The following MDGA2 variants were observed in gnomAD, a reference collection of about 807,000 sequenced individuals.
MDGA2 encodes the protein MAM domain containing glycosylphosphatidylinositol anchor 2.
In MDGA2, 40 loss-of-function variants were observed where a neutral mutation model predicts 117.8. The ratio of observed to expected loss-of-function variants is 0.34; its 90% CI spans 0.26 to 0.44. The LOEUF (loss-of-function observed/expected upper bound fraction) is 0.44. Among genes scored for constraint, MDGA2 ranks in the 20% least tolerant of loss-of-function variants. MDGA2 has a pLI of 1.00. For synonymous variants in MDGA2, 452 were observed against 439.0 expected (o/e 1.03, Z -0.37); for missense variants, 1,123 against 1,250.6 (o/e 0.90, Z 1.54).
intron 2 of MDGA2, among the ~76,000 whole-genome samples, chr14:47,249,924 T>C (rs1234943256): frequency 6.6e-6 from 1 of 152,188 alleles, no homozygotes; most frequent in Non-Finnish European, 1.5e-5. Context: ...GTCACTAACA[T>C]GGCAAGGAAA....
At chr14:47,408,742 G>T (rs996042473) in intron 1 of MDGA2, among the ~76,000 whole-genome samples, 3 of 152,168 alleles carry the variant, frequency 2.0e-5, no homozygotes, top group African/African-American at 7.2e-5. Flanking sequence ...AGTATTAGGA[G>T]ATATTATTAA....
At chr14:47,275,330 T>C (rs1185342666) in intron 2 of MDGA2, among the ~76,000 whole-genome samples, 1 of 152,190 alleles carries the variant, frequency 6.6e-6, no homozygotes, top group Admixed American at 6.5e-5. Context: ...ATAGATTTTC[T>C]AATGTACGAT....
At position 47,633,079 on chromosome 14, in the gene MDGA2, C is replaced by A. The variant is rs142032354; in HGVS notation, c.280+41438G>T. 8.3e-4 allele frequency among the ~76,000 whole-genome samples: 127 copies of A among 152,294 alleles called. 1 individual carries two copies. The highest frequency in any genetic ancestry group is 1.4e-3 in the Non-Finnish European group (97 of 68,010). ...AAATGTTGTCAATAAATATTATTTT[C>A]ATGCACCTGGGATGCTTTCATTGAC... is the stretch of plus-strand genomic sequence containing the variant. On this transcript the variant is annotated intron_variant, in intron 1 of 16. Transcript: ENST00000399232.
chr14:47,615,209 G>C (rs1283698305), intron 1 of MDGA2, among the ~76,000 whole-genome samples: 1 of 151,976 alleles, frequency 6.6e-6, no homozygotes, highest in African/African-American at 2.4e-5. Flanking sequence ...CTGAGCAACA[G>C]ATGTTGAATT....
intron 16 of MDGA2, among the ~76,000 whole-genome samples, chr14:46,845,426 T>C (rs778992431): frequency 3.9e-5 from 6 of 152,226 alleles, no homozygotes; most frequent in Non-Finnish European, 7.3e-5. Flanking sequence ...ATATGTGCTA[T>C]GTATATAGGT....
intron 1 of MDGA2, among the ~76,000 whole-genome samples, chr14:47,627,804 G>A (rs1897176483): frequency 1.3e-5 from 2 of 152,080 alleles, no homozygotes; most frequent in Admixed American, 6.6e-5. Flanking sequence ...CACTCTTTGG[G>A]TCCACACTGC....
intron 2 of MDGA2, among the ~76,000 whole-genome samples, chr14:47,247,593 G>A (rs1181153106): frequency 6.6e-6 from 1 of 150,776 alleles, no homozygotes; most frequent in African/African-American, 2.4e-5. Flanking sequence ...GTGAGCCACC[G>A]TGTCCAGACT....
intron 1 of MDGA2, among the ~76,000 whole-genome samples, chr14:47,603,905 T>C: frequency 6.6e-6 from 1 of 152,152 alleles, no homozygotes; most frequent in South Asian, 2.1e-4. Flanking sequence ...GTACCTTCCC[T>C]GCTCTCTTTC....
At chr14:47,314,006 C>T (rs146191853) in intron 1 of MDGA2, among the ~76,000 whole-genome samples, 90 of 152,238 alleles carry the variant, frequency 5.9e-4, no homozygotes, top group African/African-American at 2.1e-3. Context: ...CCAAATATTA[C>T]ATTGGCATGG....
intron 1 of MDGA2, among the ~76,000 whole-genome samples, chr14:47,380,256 C>A (rs555466473): frequency 6.6e-6 from 1 of 152,046 alleles, no homozygotes; most frequent in African/African-American, 2.4e-5. Flanking sequence ...TAAATGCCCA[C>A]AAGAGAAAGC....
chr14:47,554,741 T>C (rs1895651887), intron 1 of MDGA2, among the ~76,000 whole-genome samples: 1 of 152,196 alleles, frequency 6.6e-6, no homozygotes, highest in South Asian at 2.1e-4. Flanking sequence ...TTTGGTTACA[T>C]TCAAATACAG....
At chr14:47,357,001 G>T (rs1891009475) in intron 1 of MDGA2, among the ~76,000 whole-genome samples, 1 of 152,184 alleles carries the variant, frequency 6.6e-6, no homozygotes, top group African/African-American at 2.4e-5. Flanking sequence ...TCTTAACGGA[G>T]ATTTTACTTT....
At chr14:47,301,031 A>G (rs1363382547) in intron 2 of MDGA2, among the ~76,000 whole-genome samples, 3 of 152,144 alleles carry the variant, frequency 2.0e-5, no homozygotes, top group South Asian at 2.1e-4. Flanking sequence ...GGTTGCAATT[A>G]TGTCATCATG....
At chr14:47,299,143 G>GA (rs141512322) in intron 2 of MDGA2, among the ~76,000 whole-genome samples, 13,512 of 151,968 alleles carry the variant, frequency 0.089, 734 homozygotes, top group Non-Finnish European at 0.11. Flanking sequence ...AATTGCTTAG[G>GA]AAAAAAATAA....
chr14:47,671,879 C>G (rs1566568700), intron 1 of MDGA2, among the ~76,000 whole-genome samples: 1 of 152,058 alleles, frequency 6.6e-6, no homozygotes, highest in African/African-American at 2.4e-5. Context: ...AATGCTTCCA[C>G]AAATAAAAAC....
Position 47,270,710 on chromosome 14 carries a change from C to T in MDGA2, c.420+30701G>A, listed in dbSNP as rs572901383. ...AAATATTTTATAGGAGAGTAATCATCACTGTAAGAAAACTACAAATACATT... is the reference window on the plus strand; with the variant it reads ...AAATATTTTATAGGAGAGTAATCATTACTGTAAGAAAACTACAAATACATT... On this transcript the variant is annotated intron_variant, in intron 2 of 16. Coordinates refer to ENST00000399232, the MANE Select transcript of MDGA2 (RefSeq NM_001113498.3). 8.5e-5 allele frequency among the ~76,000 whole-genome samples: 13 copies of T among 152,170 alleles called. 1 individual carries two copies. The highest frequency in any genetic ancestry group is 3.4e-3 in the Middle Eastern group (1 of 294).
At chr14:47,132,864 G>A (rs1387757519) in intron 4 of MDGA2, among the ~76,000 whole-genome samples, 2 of 151,724 alleles carry the variant, frequency 1.3e-5, no homozygotes, top group African/African-American at 2.4e-5. Context: ...AACATTTGTC[G>A]AGTTCTAAAA....
chr14:47,087,012 T>A (rs1429810722), intron 6 of MDGA2, among the ~76,000 whole-genome samples: 1 of 152,212 alleles, frequency 6.6e-6, no homozygotes, highest in Non-Finnish European at 1.5e-5. Context: ...CAGAAATTTT[T>A]AAAATACCTA....
intron 1 of MDGA2, among the ~76,000 whole-genome samples, chr14:47,414,633 A>T (rs962902211): frequency 6.6e-6 from 1 of 152,148 alleles, no homozygotes; most frequent in African/African-American, 2.4e-5. Context: ...AAATGCTAAC[A>T]TACATTGTAC....
Sources: allele counts gnomAD v4.1 joint callset (sites outside exome capture counted in the v4.1 genomes callset), GRCh38; gene constraint gnomAD v4.1.1; transcripts MANE v1.5; gene names NCBI Gene and HGNC (gene_info 2026-07-23, HGNC 2026-07-21).